Variants in HIVEP1 observed in about 807,000 individuals in gnomAD.
HIVEP1 encodes the protein zinc finger protein 40.
In HIVEP1, 36 loss-of-function variants were observed where a neutral mutation model predicts 180.0. The observed-to-expected ratio is 0.20, with a 90% confidence interval of 0.15 to 0.26. The LOEUF (loss-of-function observed/expected upper bound fraction) is 0.26, where lower values mean the gene tolerates loss of function less well. Among genes scored for constraint, HIVEP1 ranks in the 10% least tolerant of loss-of-function variants. The pLI is 1.00. For missense variants in HIVEP1, 3,143 were observed against 3,268.7 expected (o/e 0.96, Z 0.94); for synonymous variants, 1,239 against 1,239.0 (o/e 1.00, Z 0.00).
intron 2 of HIVEP1, among the ~76,000 whole-genome samples, chr6:12,034,749 T>G (rs1381989815): frequency 6.6e-6 from 1 of 152,190 alleles, no homozygotes; most frequent in Non-Finnish European, 1.5e-5. Context: ...TGATTTCTTC[T>G]CATTGTGGGT....
the HIVEP1 span, among the ~76,000 whole-genome samples, chr6:12,205,437 C>T: frequency 6.6e-6 from 1 of 151,652 alleles, no homozygotes; most frequent in Non-Finnish European, 1.5e-5. Context: ...CGCCACTGCA[C>T]TCCAGCCTGG....
chr6:12,139,629 G>A (rs1244873715), intron 7 of HIVEP1, among the ~76,000 whole-genome samples: 1 of 152,210 alleles, frequency 6.6e-6, no homozygotes, highest in Non-Finnish European at 1.5e-5. Flanking sequence ...GGACACTCCT[G>A]CCCAAATACT....
chr6:12,155,666 G>T (rs219948), intron 7 of HIVEP1, among the ~76,000 whole-genome samples: 2 of 151,976 alleles, frequency 1.3e-5, no homozygotes, highest in African/African-American at 4.8e-5. Flanking sequence ...TCATTGATGG[G>T]CATTCAGGTT....
intron 7 of HIVEP1, among the ~76,000 whole-genome samples, chr6:12,149,919 G>A (rs1221312182): frequency 6.6e-6 from 1 of 152,140 alleles, no homozygotes; most frequent in Non-Finnish European, 1.5e-5. Context: ...CAGGCTGCGC[G>A]GTACCTGTCT....
chr6:12,170,703 T>C, the HIVEP1 span, among the ~76,000 whole-genome samples: 1 of 152,288 alleles, frequency 6.6e-6, no homozygotes, highest in African/African-American at 2.4e-5. Context: ...TTAAGGATGA[T>C]TAGTACGGTG....
At chr6:12,173,237 T>G in the HIVEP1 span, among the ~76,000 whole-genome samples, 1 of 152,182 alleles carries the variant, frequency 6.6e-6, no homozygotes. Flanking sequence ...GTATTGACAT[T>G]GTTGGAATAC....
Position 12,123,091 on chromosome 6 carries a change from G to C in HIVEP1, c.3296G>C (p.Gly1099Ala). ...TCCCATATTCACCTTGTTGCCAGGG[G>C]CCCTGAGCAGACCATGGATCCCAAG... Reference protein sequence around the residue: ...QNSHIHLVARGPEQTMDPKLS... With the variant: ...QNSHIHLVARAPEQTMDPKLS... The change falls in exon 4 of 9, where the codon GGC becomes GCC. Residue 1099 changes from glycine to alanine, a missense_variant. By Grantham distance (60) the Gly-to-Ala change is moderately conservative (BLOSUM62 0). Transcript: ENST00000379388. 2 of 1,614,118 alleles carry C rather than the reference G, an allele frequency of 1.2e-6. No individual in the cohort carries two copies. Among genetic ancestry groups the C allele is most frequent in the Non-Finnish European group, 8.5e-7 (1 of 1,180,018 alleles).
intron 2 of HIVEP1, among the ~76,000 whole-genome samples, chr6:12,040,040 C>A (rs183252905): frequency 1.4e-3 from 218 of 151,994 alleles, no homozygotes; most frequent in Non-Finnish European, 2.3e-3. Context: ...GTAAGCCCAA[C>A]AACAGATGAA....
At chr6:12,039,241 A>G (rs1389947251) in intron 2 of HIVEP1, 1 of 152,242 alleles carries the variant, frequency 6.6e-6, no homozygotes, top group Non-Finnish European at 1.5e-5. Flanking sequence ...ACATGCATAT[A>G]TCAACAGGCA....
intron 2 of HIVEP1, among the ~76,000 whole-genome samples, chr6:12,084,540 C>T (rs1772992282): frequency 6.6e-6 from 1 of 152,010 alleles, no homozygotes; most frequent in Non-Finnish European, 1.5e-5. Context: ...ATGCCATTGT[C>T]ATTTATTTAG....
At chr6:12,172,407 T>C in the HIVEP1 span, among the ~76,000 whole-genome samples, 1 of 152,036 alleles carries the variant, frequency 6.6e-6, no homozygotes, top group African/African-American at 2.4e-5. Flanking sequence ...AAGTTTTAAG[T>C]TTTATTTCCC....
At chr6:12,115,347 A>ATTTTTTTTTT (rs1775145972) in intron 3 of HIVEP1, among the ~76,000 whole-genome samples, 6 of 73,454 alleles carry the variant, frequency 8.2e-5, no homozygotes, top group African/African-American at 4.0e-4. Context: ...TTCCCCAACT[A>ATTTTTTTTTT]TTCTTTTTTT....
At chr6:12,168,236 T>TATTATATAC (rs1760798114), downstream of HIVEP1, among the ~76,000 whole-genome samples, 1 of 130,004 alleles carries the variant, frequency 7.7e-6, no homozygotes, top group Non-Finnish European at 1.6e-5. Flanking sequence ...TATATACATA[T>TATTATATAC]ATATTATATA....
At chr6:12,143,122 T>A (rs928088121) in intron 7 of HIVEP1, among the ~76,000 whole-genome samples, 1 of 152,190 alleles carries the variant, frequency 6.6e-6, no homozygotes, top group African/African-American at 2.4e-5. Context: ...TGAACATCGA[T>A]GTGAAAATCC....
chr6:12,141,677 A>C (rs1173507866), intron 7 of HIVEP1, among the ~76,000 whole-genome samples: 1 of 128,058 alleles, frequency 7.8e-6, no homozygotes, highest in African/African-American at 2.8e-5. Context: ...AAGATCTACC[A>C]AGCAAATGGA....
At chr6:12,024,933 C>T (rs1768478936) in intron 2 of HIVEP1, among the ~76,000 whole-genome samples, 1 of 152,150 alleles carries the variant, frequency 6.6e-6, no homozygotes, top group Non-Finnish European at 1.5e-5. Context: ...GGCCCAGTGG[C>T]AAGAGGGAGG....
At chr6:12,072,666 C>T (rs913101125) in intron 2 of HIVEP1, among the ~76,000 whole-genome samples, 14 of 152,038 alleles carry the variant, frequency 9.2e-5, no homozygotes, top group African/African-American at 3.1e-4. Flanking sequence ...TCTCTGTATG[C>T]GTTGGTTGGA....
rs770072813 is a variant in HIVEP1 at position 12,122,990 on chromosome 6, C to T, written c.3195C>T (p.Gly1065=). 16 of 1,613,884 alleles carry T rather than the reference C, an allele frequency of 9.9e-6. No individual in the cohort carries two copies. Among genetic ancestry groups the T allele is most frequent in the Admixed American group, 1.7e-5 (1 of 60,000 alleles). ...GCCTTCAGTTTCAGAATGCTCTGGG[C>T]TGTAATCCCAGTTTGCCTAAACATA... is the stretch of plus-strand genomic sequence containing the variant. ...SEGLQFQNAL[G]CNPSLPKHNV... is the part of the protein sequence containing the mutation. Residue 1065 remains glycine, a synonymous_variant, in exon 4 of 9, where the codon GGC becomes GGT. Coordinates refer to ENST00000379388, the MANE Select transcript of HIVEP1 (RefSeq NM_002114.4).
chr6:12,173,483 G>A, the HIVEP1 span, among the ~76,000 whole-genome samples: 1 of 152,122 alleles, frequency 6.6e-6, no homozygotes, highest in Admixed American at 6.5e-5. Context: ...TATAAAAAGC[G>A]TAAGAGAGAA....
Sources: gnomAD v4.1 joint callset for allele counts (sites outside exome capture counted in the v4.1 genomes callset) on GRCh38, gnomAD v4.1.1 for gene constraint, MANE v1.5 for transcripts, NCBI Gene and HGNC (gene_info 2026-07-23, HGNC 2026-07-21) for gene names.